Variants in ARB2A observed in about 807,000 individuals in gnomAD.
ARB2A encodes cotranscriptional regulator ARB2A.
chr5:93,896,777 G>T, the ARB2A span, among the ~76,000 whole-genome samples: 1 of 151,982 alleles, frequency 6.6e-6, no homozygotes, highest in African/African-American at 2.4e-5. Context: ...AATACAAAAT[G>T]ACACGTGAGC....
chr5:93,793,025 A>G, the ARB2A span, among the ~76,000 whole-genome samples: 1 of 151,804 alleles, frequency 6.6e-6, no homozygotes, highest in Non-Finnish European at 1.5e-5. Context: ...AGAGTAAGTG[A>G]CCCACGCATA....
the ARB2A span, among the ~76,000 whole-genome samples, chr5:93,936,382 C>T: frequency 6.6e-6 from 1 of 152,036 alleles, no homozygotes; most frequent in African/African-American, 2.4e-5. Context: ...TTATGAAATT[C>T]ATTTTGTTCT....
At chr5:93,633,043 C>T in the ARB2A span, among the ~76,000 whole-genome samples, 2 of 152,166 alleles carry the variant, frequency 1.3e-5, no homozygotes, top group Admixed American at 1.3e-4. Flanking sequence ...ACCCTCCAGG[C>T]AGGCTCTTCT....
the ARB2A span, among the ~76,000 whole-genome samples, chr5:93,867,313 C>T: frequency 6.6e-6 from 1 of 152,170 alleles, no homozygotes; most frequent in African/African-American, 2.4e-5. Flanking sequence ...AGCATCCAAA[C>T]TGATAGTTCT....
At chr5:93,891,439 C>T in the ARB2A span, among the ~76,000 whole-genome samples, 2 of 151,978 alleles carry the variant, frequency 1.3e-5, no homozygotes. Context: ...ATCATAAAGA[C>T]CATCTTCCAG....
At chr5:94,015,747 A>AT in the ARB2A span, among the ~76,000 whole-genome samples, 40 of 152,148 alleles carry the variant, frequency 2.6e-4, no homozygotes, top group East Asian at 3.7e-3. Context: ...TTGCTATAAG[A>AT]TTTTTTTTGT....
the ARB2A span, among the ~76,000 whole-genome samples, chr5:93,702,644 C>T: frequency 6.6e-6 from 1 of 152,038 alleles, no homozygotes; most frequent in Non-Finnish European, 1.5e-5. Flanking sequence ...GAGCCAGATC[C>T]ACTAATGGAA....
chr5:93,824,144 T>G, the ARB2A span: 5 of 1,576,604 alleles, frequency 3.2e-6, no homozygotes, highest in Admixed American at 3.6e-5. Context: ...AAATAAGCAC[T>G]TACCAGTTCA....
chr5:94,036,795 C>T, the ARB2A span, among the ~76,000 whole-genome samples: 1 of 152,060 alleles, frequency 6.6e-6, no homozygotes, highest in Non-Finnish European at 1.5e-5. Flanking sequence ...CATTTCTTGC[C>T]CCAGTCAGGA....
the ARB2A span, among the ~76,000 whole-genome samples, chr5:94,026,931 T>C: frequency 6.6e-6 from 1 of 152,202 alleles, no homozygotes; most frequent in Non-Finnish European, 1.5e-5. Context: ...AGAGGATTCC[T>C]GAAGATCTAT....
chr5:93,939,767 T>C, the ARB2A span, among the ~76,000 whole-genome samples: 4 of 152,102 alleles, frequency 2.6e-5, no homozygotes, highest in African/African-American at 7.2e-5. Flanking sequence ...AAATAATAAA[T>C]TGTGAAATAA....
the ARB2A span, among the ~76,000 whole-genome samples, chr5:93,926,223 G>A: frequency 1.5e-4 from 22 of 151,652 alleles, no homozygotes; most frequent in African/African-American, 4.4e-4. Context: ...TCTGCCTCCC[G>A]GTTTCAAGTG....
At chr5:93,959,859 A>G in the ARB2A span, among the ~76,000 whole-genome samples, 1 of 152,130 alleles carries the variant, frequency 6.6e-6, no homozygotes, top group Admixed American at 6.6e-5. Flanking sequence ...TTTGTTACAT[A>G]TGCCATGACA....
the ARB2A span, among the ~76,000 whole-genome samples, chr5:93,950,823 A>G: frequency 2.0e-5 from 3 of 151,834 alleles, no homozygotes; most frequent in Non-Finnish European, 4.4e-5. Context: ...GCATGCCTGT[A>G]ATCCCAGCTA....
chr5:93,967,028 A>C, the ARB2A span, among the ~76,000 whole-genome samples: 1 of 151,834 alleles, frequency 6.6e-6, no homozygotes, highest in Non-Finnish European at 1.5e-5. Context: ...AAAAAAAAAA[A>C]CATTTTCTAA....
At chr5:94,083,429 T>G in the ARB2A span, among the ~76,000 whole-genome samples, 31 of 152,122 alleles carry the variant, frequency 2.0e-4, no homozygotes, top group South Asian at 5.0e-3. Flanking sequence ...CCATAATAAC[T>G]TCAATATCTA....
chr5:93,833,166 A>G, the ARB2A span, among the ~76,000 whole-genome samples: 1 of 152,186 alleles, frequency 6.6e-6, no homozygotes, highest in Admixed American at 6.5e-5. Context: ...TCCTTCTAGA[A>G]TATAACCAAC....
chr5:93,773,680 T>C, the ARB2A span, among the ~76,000 whole-genome samples: 5 of 152,222 alleles, frequency 3.3e-5, no homozygotes, highest in African/African-American at 1.2e-4. Flanking sequence ...CAAGCAAGTC[T>C]ATAGGAGCCA....
At chr5:93,624,547 C>T in the ARB2A span, among the ~76,000 whole-genome samples, 1 of 152,112 alleles carries the variant, frequency 6.6e-6, no homozygotes. Flanking sequence ...TAGTCTATAA[C>T]ATCAATTCAG....
Sources: gnomAD v4.1 joint callset for allele counts (sites outside exome capture counted in the v4.1 genomes callset) on GRCh38, gnomAD v4.1.1 for gene constraint, MANE v1.5 for transcripts, NCBI Gene and HGNC (gene_info 2026-07-23, HGNC 2026-07-21) for gene names.